GADL1: variants seen among roughly 807,000 people sequenced by gnomAD.
GADL1 encodes GAD like acidic amino acid decarboxylase 1, also known as acidic amino acid decarboxylase GADL1.
A neutral mutation model predicts 69.5 loss-of-function variants in GADL1; 71 were observed. That is an observed-to-expected ratio of 1.02 (90% CI 0.84 to 1.25). GADL1 has a LOEUF of 1.25. Among genes scored for constraint, GADL1 ranks in the 50% most tolerant of loss-of-function variants. The pLI, the probability that GADL1 is intolerant of heterozygous loss-of-function variation, is 0.00. For synonymous variants in GADL1, 254 were observed against 214.4 expected, an observed-to-expected ratio of 1.18 and a Z score of -1.62; for missense variants, 737 against 631.8, an observed-to-expected ratio of 1.17 and a Z score of -1.79.
At chr3:30,826,729 A>G (rs529126396) in intron 11 of GADL1, among the ~76,000 whole-genome samples, 1 of 150,986 alleles carries the variant, frequency 6.6e-6, no homozygotes, top group African/African-American at 2.5e-5. Flanking sequence ...GCCTTAGAAA[A>G]GCAAGTATCT....
At chr3:30,779,834 T>C (rs1430605890) in intron 13 of GADL1, among the ~76,000 whole-genome samples, 1 of 152,188 alleles carries the variant, frequency 6.6e-6, no homozygotes, top group African/African-American at 2.4e-5. Flanking sequence ...TCTGCAGATA[T>C]TTCTCCCATG....
At chr3:30,795,907 C>G (rs1697023477) in intron 12 of GADL1, among the ~76,000 whole-genome samples, 2 of 152,096 alleles carry the variant, frequency 1.3e-5, no homozygotes, top group Non-Finnish European at 2.9e-5. Context: ...GATTATTTTT[C>G]AAATACTTAA....
chr3:30,745,198 T>C lies in GADL1; in HGVS notation c.1393-16783A>G, dbSNP rs186138793. ...GTGTGCTACTATTCAGGACTCAAAG[T>C]AGATTATTAGTGAAGGCCTATTTAA... On this transcript the variant is annotated intron_variant, in intron 14 of 14. Coordinates refer to ENST00000282538, the MANE Select transcript of GADL1 (RefSeq NM_207359.3). 4.6e-3 allele frequency among the ~76,000 whole-genome samples: 697 copies of C among 152,294 alleles called. 5 individuals carry two copies. The highest frequency in any genetic ancestry group is 0.016 in the African/African-American group (652 of 41,566).
At chr3:30,777,932 T>C (rs1696574000) in intron 14 of GADL1, among the ~76,000 whole-genome samples, 1 of 151,912 alleles carries the variant, frequency 6.6e-6, no homozygotes, top group South Asian at 2.1e-4. Flanking sequence ...CTTCCTGAAG[T>C]ACACTGTGAG....
chr3:30,821,808 A>G (rs1402460992), intron 11 of GADL1, among the ~76,000 whole-genome samples: 1 of 151,804 alleles, frequency 6.6e-6, no homozygotes, highest in Non-Finnish European at 1.5e-5. Context: ...TGATTACAGC[A>G]AGGTGGACTT....
chr3:30,808,380 C>A (rs1697293453), intron 11 of GADL1, among the ~76,000 whole-genome samples: 1 of 151,998 alleles, frequency 6.6e-6, no homozygotes, highest in African/African-American at 2.4e-5. Context: ...TGCCTGTAAT[C>A]CTAGCTACTT....
intron 14 of GADL1, among the ~76,000 whole-genome samples, chr3:30,755,545 C>G (rs931052844): frequency 2.6e-5 from 4 of 152,090 alleles, no homozygotes; most frequent in African/African-American, 7.2e-5. Context: ...AGGGCTATCT[C>G]CTTTGCAATA....
chr3:30,751,838 A>G (rs1319356225), intron 14 of GADL1, among the ~76,000 whole-genome samples: 2 of 152,212 alleles, frequency 1.3e-5, no homozygotes, highest in African/African-American at 4.8e-5. Flanking sequence ...GTCTCTGACT[A>G]AACACAGAAG....
chr3:30,822,290 G>C (rs1478203317), intron 11 of GADL1, among the ~76,000 whole-genome samples: 2 of 152,036 alleles, frequency 1.3e-5, no homozygotes, highest in Non-Finnish European at 2.9e-5. Context: ...TGTCTGGATG[G>C]GGACTGAGAT....
intron 11 of GADL1, among the ~76,000 whole-genome samples, chr3:30,831,241 C>T (rs1171549871): frequency 6.6e-6 from 1 of 152,000 alleles, no homozygotes; most frequent in Admixed American, 6.6e-5. Context: ...ATCCTTTAGT[C>T]TCATATTATG....
intron 1 of GADL1, among the ~76,000 whole-genome samples, chr3:30,882,467 A>T (rs1366212664): frequency 6.6e-6 from 1 of 151,948 alleles, no homozygotes; most frequent in Non-Finnish European, 1.5e-5. Flanking sequence ...ACTCTGCATA[A>T]TGTGATGAAG....
At chr3:30,785,809 A>G (rs889361438) in intron 13 of GADL1, among the ~76,000 whole-genome samples, 2 of 144,202 alleles carry the variant, frequency 1.4e-5, no homozygotes, top group Admixed American at 6.6e-5. Context: ...CTTAAAAACC[A>G]GAATTACACA....
At position 30,778,177 on chromosome 3, in the gene GADL1, A is replaced by G. The variant is rs774489810; in HGVS notation, c.1392+2T>C. ...GAAAAATACCATTTACTTATTACTT[A>G]CCAAATTAAGTTTTGCCCAGAACTC... On this transcript the variant is annotated splice_donor_variant, in intron 14 of 14. Transcript: ENST00000282538. LOFTEE classifies it high-confidence loss of function. 1.3e-6 allele frequency: 2 copies of G among 1,548,486 alleles called. No individual in the cohort carries two copies. Among genetic ancestry groups the G allele is most frequent in the South Asian group, 1.1e-5 (1 of 89,024 alleles).
intron 14 of GADL1, among the ~76,000 whole-genome samples, chr3:30,758,730 C>T (rs1255708429): frequency 1.3e-5 from 2 of 152,170 alleles, no homozygotes; most frequent in Non-Finnish European, 2.9e-5. Flanking sequence ...AAGAGGACTC[C>T]ATTGTATTTC....
At chr3:30,738,454 G>A (rs1444660537) in intron 14 of GADL1, among the ~76,000 whole-genome samples, 3 of 143,208 alleles carry the variant, frequency 2.1e-5, no homozygotes, top group East Asian at 2.1e-4. Context: ...AATTCCCACC[G>A]ACATCTCTAC....
At position 30,862,412 on chromosome 3, in the gene GADL1, A is replaced by T. The variant is rs906172503; in HGVS notation, c.38-647T>A. 2.6e-5 allele frequency among the ~76,000 whole-genome samples: 4 copies of T among 151,998 alleles called. No individual in the cohort carries two copies. In the East Asian group the frequency reaches 7.8e-4, roughly 30 times the overall value. On this transcript the variant is annotated intron_variant, in intron 1 of 14. Coordinates refer to ENST00000282538, the MANE Select transcript of GADL1 (RefSeq NM_207359.3). ...CTTAAAATATAAATAATACAATATC[A>T]TACAATAGTGGTTTTAACTTTCAGA...
intron 9 of GADL1, among the ~76,000 whole-genome samples, chr3:30,838,522 CT>C (rs1318106592): frequency 1.3e-5 from 2 of 152,074 alleles, no homozygotes; most frequent in Non-Finnish European, 2.9e-5. Flanking sequence ...TGCATTGTAG[CT>C]TTTTTGCATT....
At chr3:30,742,282 G>GC (rs1695637244) in intron 14 of GADL1, among the ~76,000 whole-genome samples, 2 of 143,060 alleles carry the variant, frequency 1.4e-5, no homozygotes, top group South Asian at 4.5e-4. Context: ...ACATTAAGTG[G>GC]TTTTTTTTTT....
At chr3:30,756,549 G>T (rs1281335200) in intron 14 of GADL1, among the ~76,000 whole-genome samples, 1 of 152,108 alleles carries the variant, frequency 6.6e-6, no homozygotes, top group Non-Finnish European at 1.5e-5. Flanking sequence ...CTTGGAATTT[G>T]CTTTGGTTCA....
Sources: allele counts gnomAD v4.1 joint callset (sites outside exome capture counted in the v4.1 genomes callset), GRCh38; gene constraint gnomAD v4.1.1; transcripts MANE v1.5; gene names NCBI Gene and HGNC (gene_info 2026-07-23, HGNC 2026-07-21).